GNAO1: variants seen among roughly 807,000 people sequenced by gnomAD.
The protein encoded by GNAO1 is G protein subunit alpha o1.
For synonymous variants in GNAO1, 164 were observed against 180.7 expected (o/e 0.91, Z 0.74); for missense variants, 166 against 478.7 (o/e 0.35, Z 6.10).
intron 2 of GNAO1, among the ~76,000 whole-genome samples, chr16:56,201,752 A>G (rs760806908): frequency 1.3e-5 from 2 of 152,230 alleles, no homozygotes; most frequent in Non-Finnish European, 2.9e-5. Context: ...ATGAGTATGG[A>G]CAAAAATGAG....
chr16:56,344,211 A>G lies in GNAO1; in HGVS notation c.724-7173A>G, dbSNP rs1225290770. On this transcript the variant is annotated intron_variant, in intron 6 of 8. Coordinates refer to ENST00000262493, the MANE Select transcript of GNAO1 (RefSeq NM_020988.3). ...GCTCACAGCCTCTGTGTCATCTCTG[A>G]GTGCTTGATCGGGAAGCTGGGGGGA... is the stretch of plus-strand genomic sequence containing the variant. 2.1e-6 allele frequency: 3 copies of G among 1,395,978 alleles called. No individual in the cohort carries two copies. In the East Asian group the frequency reaches 7.9e-5, roughly 37 times the overall value. 86.5% of individuals were successfully genotyped at this position (1,395,978 alleles called of 1,614,324 possible).
chr16:56,343,971 A>T (rs1163832738), intron 6 of GNAO1: 1 of 1,608,726 alleles, frequency 6.2e-7, no homozygotes, highest in African/African-American at 1.3e-5. Flanking sequence ...CCTGCCCGGC[A>T]CCCTTGCCCT....
At chr16:56,283,733 C>T (rs1459577962) in intron 3 of GNAO1, among the ~76,000 whole-genome samples, 1 of 152,156 alleles carries the variant, frequency 6.6e-6, no homozygotes, top group Non-Finnish European at 1.5e-5. Context: ...AGGCTTCATA[C>T]TCCCATAGCC....
intron 2 of GNAO1, among the ~76,000 whole-genome samples, chr16:56,251,211 C>T (rs1431506080): frequency 2.0e-5 from 3 of 152,172 alleles, no homozygotes; most frequent in African/African-American, 7.2e-5. Flanking sequence ...TAGAGAAATT[C>T]AGTTATTTGT....
chr16:56,226,191 G>A (rs1305537578), intron 2 of GNAO1, among the ~76,000 whole-genome samples: 1 of 152,156 alleles, frequency 6.6e-6, no homozygotes, highest in African/African-American at 2.4e-5. Flanking sequence ...CTTTCAGTTG[G>A]GTGAAAGATG....
chr16:56,270,595 TG>T (rs1311597027), intron 2 of GNAO1: 12 of 152,124 alleles, frequency 7.9e-5, no homozygotes, highest in Non-Finnish European at 1.5e-4. Context: ...CCAGGAGATA[TG>T]GGAAGAAAGC....
intron 2 of GNAO1, among the ~76,000 whole-genome samples, chr16:56,207,004 G>A (rs1255018986): frequency 1.3e-5 from 2 of 152,170 alleles, no homozygotes; most frequent in African/African-American, 4.8e-5. Flanking sequence ...TGCTTCTTTT[G>A]TATGTGCCCA....
At chr16:56,243,007 T>C (rs1309047533) in intron 2 of GNAO1, among the ~76,000 whole-genome samples, 2 of 151,944 alleles carry the variant, frequency 1.3e-5, no homozygotes, top group Non-Finnish European at 2.9e-5. Context: ...TAGATTCTTA[T>C]AGGAATGGGA....
chr16:56,195,798 T>C (rs1355105315), intron 2 of GNAO1, among the ~76,000 whole-genome samples: 1 of 152,250 alleles, frequency 6.6e-6, no homozygotes, highest in Non-Finnish European at 1.5e-5. Context: ...ACTCCTTTTA[T>C]TTAGCATTTC....
At chr16:56,223,236 GC>G (rs1417122833) in intron 2 of GNAO1, among the ~76,000 whole-genome samples, 2 of 152,152 alleles carry the variant, frequency 1.3e-5, no homozygotes, top group African/African-American at 4.8e-5. Context: ...CGTTATAAGA[GC>G]CCCCTTTTCA....
rs1312120641 is a variant in GNAO1 at position 56,326,926 on chromosome 16, G to A, written c.304-1705G>A. Reference sequence around the variant, plus strand: ...CCTGTCAGCCGTCCAGGGAGCTCTCGGCACAGGTGGGTCTGATCATAGAGG... The same window carrying A: ...CCTGTCAGCCGTCCAGGGAGCTCTCAGCACAGGTGGGTCTGATCATAGAGG... On this transcript the variant is annotated intron_variant, in intron 3 of 8. Coordinates refer to ENST00000262493, the MANE Select transcript of GNAO1 (RefSeq NM_020988.3). This position sits in a 1 kb window ranked among gnomAD's most constrained non-coding sequence, Gnocchi z 4.8. Among the ~76,000 whole-genome samples the A allele has an allele frequency of 2.0e-5, 3 of 152,140 alleles. No homozygotes were observed. The highest frequency in any genetic ancestry group is 4.8e-5 in the African/African-American group (2 of 41,430).
intron 2 of GNAO1, among the ~76,000 whole-genome samples, chr16:56,230,585 G>A (rs1269027204): frequency 2.6e-5 from 4 of 152,054 alleles, no homozygotes; most frequent in Non-Finnish European, 5.9e-5. Flanking sequence ...CTGTGTTCTG[G>A]TGTGGTATGT....
At chr16:56,239,165 GC>G (rs1567450577) in intron 2 of GNAO1, among the ~76,000 whole-genome samples, 1 of 152,168 alleles carries the variant, frequency 6.6e-6, no homozygotes. Context: ...CCCATCACAG[GC>G]ACTCTGCCTG....
At position 56,347,287 on chromosome 16, in the gene GNAO1, G is replaced by A. The variant is rs186550374; in HGVS notation, c.724-4097G>A. ...CCCAGACCTGAGGCTCCAGCTCCGC[G>A]GCCACCAGAGATTCAGTGTGCAGTG... On this transcript the variant is annotated intron_variant, in intron 6 of 8. Coordinates refer to ENST00000262493, the MANE Select transcript of GNAO1 (RefSeq NM_020988.3). The A allele has an allele frequency of 1.7e-3, 1,637 of 985,406 alleles. 14 individuals carry two copies. Among genetic ancestry groups the A allele is most frequent in the Non-Finnish European group, 1.3e-3 (1,119 of 829,908 alleles). 61.0% of individuals were successfully genotyped at this position (985,406 alleles called of 1,614,324 possible).
At chr16:56,285,240 A>G (rs1301500073) in intron 3 of GNAO1, among the ~76,000 whole-genome samples, 1 of 151,842 alleles carries the variant, frequency 6.6e-6, no homozygotes, top group Non-Finnish European at 1.5e-5. Flanking sequence ...TGTCTTTCAC[A>G]CTCCAACCCC....
chr16:56,305,495 T>G (rs1336420200), intron 3 of GNAO1, among the ~76,000 whole-genome samples: 1 of 151,558 alleles, frequency 6.6e-6, no homozygotes, highest in Non-Finnish European at 1.5e-5. Context: ...AAGACTCGAG[T>G]CCAGGAGGAG....
rs2037823828 is a variant in GNAO1, at chr16:56,343,313, A to G, written c.723+6453A>G. On this transcript the variant is annotated intron_variant, in intron 6 of 8. Coordinates refer to ENST00000262493, the MANE Select transcript of GNAO1 (RefSeq NM_020988.3). ...GGACCAGCCTGGCCAACATAGTGAG[A>G]TCCCATCTGTATTAAAAATAATAAT... is the stretch of plus-strand genomic sequence containing the variant. Among the ~76,000 whole-genome samples the G allele has an allele frequency of 2.0e-5, 3 of 150,044 alleles. No individual in the cohort carries two copies. In the South Asian group the frequency reaches 6.3e-4, roughly 32 times the overall value.
intron 2 of GNAO1, among the ~76,000 whole-genome samples, chr16:56,259,914 T>G (rs577112636): frequency 6.6e-6 from 1 of 152,328 alleles, no homozygotes; most frequent in South Asian, 2.1e-4. Context: ...TGAATGTGCC[T>G]GAAGTCATCA....
intron 4 of GNAO1, among the ~76,000 whole-genome samples, chr16:56,329,487 C>G (rs149523500): frequency 6.6e-6 from 1 of 152,250 alleles, no homozygotes; most frequent in East Asian, 1.9e-4. Context: ...CCACTGGCTG[C>G]AGCTTTATCA....
Sources: gnomAD v4.1 joint callset for allele counts (sites outside exome capture counted in the v4.1 genomes callset) on GRCh38, gnomAD v4.1.1 for gene constraint, Gnocchi (gnomAD v3.1) non-coding constraint, MANE v1.5 for transcripts, NCBI Gene and HGNC (gene_info 2026-07-23, HGNC 2026-07-21) for gene names.